The following TENT2 variants were observed in gnomAD, a reference collection of about 807,000 sequenced individuals.
TENT2 encodes the protein poly(A) RNA polymerase GLD2.
TENT2 carries 44 observed loss-of-function variants against 72.2 expected under a neutral mutation model. The observed-to-expected ratio is 0.61, with a 90% CI of 0.48 to 0.78. The LOEUF (loss-of-function observed/expected upper bound fraction) is 0.78, where lower values mean the gene tolerates loss of function less well. Among genes scored for constraint, TENT2 ranks in the 30% least tolerant of loss-of-function variants. The probability of loss-of-function intolerance (pLI) is 0.00; values close to 1 mark genes in which losing one functional copy is unlikely to be tolerated. For synonymous variants in TENT2, 212 were observed against 192.5 expected (o/e 1.10, Z -0.84); for missense variants, 541 against 569.6 (o/e 0.95, Z 0.51).
rs1311795371 is a variant in TENT2, at chr5:79,687,598, G to C, written c.*2325G>C. On this transcript the variant is annotated 3_prime_UTR_variant, in exon 15 of 15. Coordinates refer to ENST00000453514, the MANE Select transcript of TENT2 (RefSeq NM_001114394.3). The stretch of plus-strand genomic sequence containing the variant: ...ATTGTTTAGGGAATAATAATGACAA[G>C]ACAAAAAGTCTATACCTGTTCGGTA... Among the ~76,000 whole-genome samples the C allele has an allele frequency of 6.6e-6, 1 of 152,142 alleles. No homozygotes were observed. The highest frequency in any genetic ancestry group is 1.5e-5 in the Non-Finnish European group (1 of 68,018).
In TENT2 at chr5:79,687,941, G is replaced by A. The variant is rs1348334309; in HGVS notation, c.*2668G>A. Among the ~76,000 whole-genome samples, 1 of 152,168 alleles carries A rather than the reference G, an allele frequency of 6.6e-6. No homozygotes were observed. Among genetic ancestry groups the A allele is most frequent in the Admixed American group, 6.5e-5 (1 of 15,274 alleles). ...GCTGTGATTGAATTCCTTTTGTACTGGATGAGCATGGTCATTTGGGATTAC... is the reference window on the plus strand; with the variant it reads ...GCTGTGATTGAATTCCTTTTGTACTAGATGAGCATGGTCATTTGGGATTAC... On this transcript the variant is annotated 3_prime_UTR_variant, in exon 15 of 15. Transcript: ENST00000453514.
At chr5:79,624,969 G>T (rs1202207513) in intron 4 of TENT2, among the ~76,000 whole-genome samples, 1 of 152,200 alleles carries the variant, frequency 6.6e-6, no homozygotes, top group Non-Finnish European at 1.5e-5. Context: ...AGGAACTGCT[G>T]AAGTGTTTTC....
intron 11 of TENT2, among the ~76,000 whole-genome samples, chr5:79,659,554 ATGTATATATATATAT>A (rs1259741574): frequency 3.4e-4 from 16 of 47,276 alleles, no homozygotes; most frequent in African/African-American, 4.5e-4. Context: ...AAAAAAAAAA[ATGTATATATATATAT>A]ATATATATAT....
In TENT2 at chr5:79,687,150, C is replaced by T. The variant is rs1357279623; in HGVS notation, c.*1877C>T. ...TTACTACTGCTTTTCTTTGTTTTAC[C>T]ACGAAAAACAGATCAAGAAGTCACT... On this transcript the variant is annotated 3_prime_UTR_variant, in exon 15 of 15. Coordinates refer to ENST00000453514, the MANE Select transcript of TENT2 (RefSeq NM_001114394.3). Among the ~76,000 whole-genome samples the T allele has an allele frequency of 6.6e-6, 1 of 151,852 alleles. No homozygotes were observed. Among genetic ancestry groups the T allele is most frequent in the African/African-American group, 2.4e-5 (1 of 41,318 alleles).
rs1212943565 is a variant in TENT2, at chr5:79,687,311, G to A, written c.*2038G>A. ...TTTAAGTTATTAATCTCAATTATTT[G>A]TGTGGTGAGTACTAAATTATTTTCT... On this transcript the variant is annotated 3_prime_UTR_variant, in exon 15 of 15. Coordinates refer to ENST00000453514, the MANE Select transcript of TENT2 (RefSeq NM_001114394.3). 6.6e-6 allele frequency among the ~76,000 whole-genome samples: 1 copy of A among 152,096 alleles called. No individual in the cohort carries two copies. The highest frequency in any genetic ancestry group is 1.5e-5 in the Non-Finnish European group (1 of 67,986).
chr5:79,660,721 A>G (rs1030702709), intron 11 of TENT2, among the ~76,000 whole-genome samples: 1 of 152,184 alleles, frequency 6.6e-6, no homozygotes, highest in African/African-American at 2.4e-5. Flanking sequence ...TTTTTGCTGT[A>G]CTATACTTTT....
chr5:79,660,240 C>T (rs1460888096), intron 11 of TENT2, among the ~76,000 whole-genome samples: 1 of 152,062 alleles, frequency 6.6e-6, no homozygotes, highest in Non-Finnish European at 1.5e-5. Context: ...AGAATTACTG[C>T]TTATTACTAA....
chr5:79,685,031 T>G (rs1825516596), intron 14 of TENT2, among the ~76,000 whole-genome samples, 168 bp from the exon 15 acceptor site: 1 of 152,170 alleles, frequency 6.6e-6, no homozygotes, highest in African/African-American at 2.4e-5. Context: ...GCACTCCAGC[T>G]TGGGTGGCAG....
chr5:79,657,112 C>A, intron 11 of TENT2, 111 bp downstream of exon 11: 1 of 656,582 alleles, frequency 1.5e-6, no homozygotes, highest in Non-Finnish European at 2.5e-6. Context: ...TACATGATAA[C>A]ATTTTCTATA....
chr5:79,660,863 A>G (rs1056063545), intron 11 of TENT2, among the ~76,000 whole-genome samples: 1 of 152,150 alleles, frequency 6.6e-6, no homozygotes, highest in South Asian at 2.1e-4. Context: ...CATGCATGAT[A>G]TTGTCCCCAA....
intron 11 of TENT2, 45 bp downstream of exon 11, chr5:79,657,046 G>A: frequency 2.3e-6 from 3 of 1,321,910 alleles, no homozygotes; most frequent in Non-Finnish European, 3.2e-6. Context: ...TATGTCAAGT[G>A]TATGTAGAAC....
chr5:79,670,648 GAAGA>G (rs1461982112), intron 12 of TENT2, among the ~76,000 whole-genome samples: 1 of 151,622 alleles, frequency 6.6e-6, no homozygotes, highest in East Asian at 1.9e-4. Flanking sequence ...ATATTAAGAT[GAAGA>G]AAGATTAAAG....
At chr5:79,653,834 A>G (rs1328044690) in intron 10 of TENT2, among the ~76,000 whole-genome samples, 1 of 152,190 alleles carries the variant, frequency 6.6e-6, no homozygotes, top group African/African-American at 2.4e-5. Context: ...GCTCTGCCAC[A>G]AAAAACTAGT....
chr5:79,656,920 C>A (rs201852058), intron 10 of TENT2, 38 bp from the exon 11 acceptor site: 2 of 1,526,330 alleles, frequency 1.3e-6, no homozygotes, highest in Non-Finnish European at 1.8e-6. Flanking sequence ...AAATGAGTCA[C>A]GTGAATCACG....
intron 6 of TENT2, among the ~76,000 whole-genome samples, chr5:79,641,431 C>T (rs1016180464): frequency 5.0e-5 from 7 of 141,116 alleles, no homozygotes; most frequent in African/African-American, 1.4e-4. Context: ...GATGGCTTCA[C>T]TATGTGTTTT....
At chr5:79,620,293 G>T (rs1763717873) in intron 3 of TENT2, among the ~76,000 whole-genome samples, 1 of 152,112 alleles carries the variant, frequency 6.6e-6, no homozygotes, top group South Asian at 2.1e-4. Flanking sequence ...TTTATTGTAT[G>T]TTTGTTTCTG....
chr5:79,659,012 A>C (rs539193722), intron 11 of TENT2, among the ~76,000 whole-genome samples: 1 of 152,122 alleles, frequency 6.6e-6, no homozygotes, highest in Admixed American at 6.5e-5. Flanking sequence ...TAATAGCAAG[A>C]CCTGCGAGAT....
At chr5:79,618,595 T>TA (rs5868997) in intron 1 of TENT2, among the ~76,000 whole-genome samples, 1 of 129,606 alleles carries the variant, frequency 7.7e-6, no homozygotes, top group Non-Finnish European at 1.8e-5. Context: ...TTAATCTGAG[T>TA]TTTTTTTTTG....
intron 11 of TENT2, among the ~76,000 whole-genome samples, chr5:79,658,693 T>G (rs1347921114): frequency 6.6e-6 from 1 of 152,242 alleles, no homozygotes; most frequent in African/African-American, 2.4e-5. Flanking sequence ...GAAAAATGCT[T>G]CTGCAGCAGT....
Sources: allele counts gnomAD v4.1 joint callset (sites outside exome capture counted in the v4.1 genomes callset), GRCh38; gene constraint gnomAD v4.1.1; transcripts MANE v1.5; gene names NCBI Gene and HGNC (gene_info 2026-07-23, HGNC 2026-07-21).